The following DGLUCY variants were observed in gnomAD, a reference collection of about 807,000 sequenced individuals.
DGLUCY encodes D-glutamate cyclase.
In DGLUCY, 58 loss-of-function variants were observed where a neutral mutation model predicts 58.5. The ratio of observed to expected loss-of-function variants is 0.99; its 90% CI spans 0.80 to 1.23. The LOEUF (loss-of-function observed/expected upper bound fraction) is 1.23, where lower values mean the gene tolerates loss of function less well. Ranked by LOEUF, DGLUCY falls within the 50% of genes most tolerant of loss-of-function variation. The pLI, the probability that DGLUCY is intolerant of heterozygous loss-of-function variation, is 0.00. For synonymous variants in DGLUCY, 325 were observed against 314.1 expected, an observed-to-expected ratio of 1.03 and a Z score of -0.37; for missense variants, 779 against 784.7, an observed-to-expected ratio of 0.99 and a Z score of 0.09.
chr14:91,221,820 A>G (rs140672819), intron 13 of DGLUCY, among the ~76,000 whole-genome samples: 27 of 152,302 alleles, frequency 1.8e-4, no homozygotes, highest in Middle Eastern at 3.4e-3. Flanking sequence ...GAATTTTTAC[A>G]TAAGTATACA....
At chr14:91,126,420 G>A (rs1370890583) in intron 1 of DGLUCY, 1 of 205,196 alleles carries the variant, frequency 4.9e-6, no homozygotes, top group African/African-American at 2.4e-5. Flanking sequence ...ATAATTACAT[G>A]TGTTGGGGTG....
intron 1 of DGLUCY, among the ~76,000 whole-genome samples, chr14:91,122,888 T>C (rs1367794952): frequency 6.6e-6 from 1 of 152,202 alleles, no homozygotes; most frequent in Non-Finnish European, 1.5e-5. Context: ...ATTACAGGCG[T>C]GAGCCACGGT....
intron 1 of DGLUCY, among the ~76,000 whole-genome samples, chr14:91,083,556 G>A (rs571257679): frequency 1.3e-5 from 2 of 150,510 alleles, no homozygotes; most frequent in African/African-American, 2.4e-5. Context: ...AGAACGATCC[G>A]TAAAAGAGCG....
chr14:91,151,201 T>A (rs2047318506), intron 1 of DGLUCY, among the ~76,000 whole-genome samples: 1 of 152,266 alleles, frequency 6.6e-6, no homozygotes, highest in Admixed American at 6.5e-5. Flanking sequence ...CACATTTTGT[T>A]TATCCATAAT....
chr14:91,112,514 C>A (rs538314711), upstream of DGLUCY, among the ~76,000 whole-genome samples: 28 of 152,146 alleles, frequency 1.8e-4, no homozygotes, highest in South Asian at 5.8e-3. Context: ...GAGATGGCAC[C>A]CTGGGTGGGT....
At chr14:91,165,311 A>G (rs2048217122) in intron 3 of DGLUCY, 3 of 455,250 alleles carry the variant, frequency 6.6e-6, no homozygotes, top group South Asian at 1.6e-5. Context: ...TAACTTACAT[A>G]CATTACCTCC....
intron 13 of DGLUCY, among the ~76,000 whole-genome samples, chr14:91,217,633 T>C (rs140702241): frequency 0.017 from 2,555 of 150,788 alleles, 78 homozygotes; most frequent in African/African-American, 0.059. Flanking sequence ...TACAGGTGCC[T>C]GCCACCATGC....
At chr14:91,138,279 G>A (rs1246265287) in intron 1 of DGLUCY, among the ~76,000 whole-genome samples, 5 of 152,240 alleles carry the variant, frequency 3.3e-5, no homozygotes, top group Non-Finnish European at 7.4e-5. Context: ...ATCACCTGAG[G>A]TCGGGAGTTC....
intron 9 of DGLUCY, 96 bp downstream of exon 9, chr14:91,189,266 C>A: frequency 8.7e-6 from 13 of 1,490,464 alleles, no homozygotes; most frequent in Non-Finnish European, 1.2e-5. Flanking sequence ...CATTCTCCTT[C>A]CAGCTCAGAA....
chr14:91,201,292 C>A (rs1275089933), intron 11 of DGLUCY, among the ~76,000 whole-genome samples: 2 of 136,820 alleles, frequency 1.5e-5, no homozygotes, highest in Middle Eastern at 3.5e-3. Flanking sequence ...GGCTCAGAGG[C>A]CTGACAGGTA....
In DGLUCY at chr14:91,189,032, C is replaced by G. The variant is rs2049701036; in HGVS notation, c.1057C>G (p.Pro353Ala). 6.2e-7 allele frequency: 1 copy of G among 1,614,180 alleles called. No homozygotes were observed. Among genetic ancestry groups the G allele is most frequent in the Non-Finnish European group, 8.5e-7 (1 of 1,180,036 alleles). Reference protein sequence around the residue: ...GFPTHFNHEPPEETDGPPGAV... With the variant: ...GFPTHFNHEPAEETDGPPGAV... ...CCCCACACATTTCAATCATGAGCCTCCAGAAGAGACAGATGGCCCACCAGG... is the reference window on the plus strand; with the variant it reads ...CCCCACACATTTCAATCATGAGCCTGCAGAAGAGACAGATGGCCCACCAGG... Residue 353 changes from proline (P) to alanine (A), a missense_variant, in exon 9 of 14, where the codon CCA becomes GCA. Physicochemically the swap from Pro to Ala is conservative, Grantham distance 27. Transcript: ENST00000256324.
intron 13 of DGLUCY, among the ~76,000 whole-genome samples, chr14:91,218,876 T>C (rs1887009349): frequency 6.6e-6 from 1 of 151,864 alleles, no homozygotes; most frequent in Admixed American, 6.6e-5. Flanking sequence ...AGATGGAATG[T>C]GCACAGTAAG....
At chr14:91,185,800 C>A (rs888856630) in intron 8 of DGLUCY, among the ~76,000 whole-genome samples, 1 of 151,972 alleles carries the variant, frequency 6.6e-6, no homozygotes, top group African/African-American at 2.4e-5. Flanking sequence ...ACAAACACCA[C>A]CCATCAATGC....
chr14:91,196,566 C>T (rs944718512), intron 10 of DGLUCY, 92 bp downstream of exon 10: 135 of 1,051,976 alleles, frequency 1.3e-4, no homozygotes, highest in Non-Finnish European at 1.9e-4. Context: ...CACCCAAGCC[C>T]TTCAGAGGGA....
At chr14:91,080,955 G>A (rs568649994) in intron 1 of DGLUCY, among the ~76,000 whole-genome samples, 4 of 152,182 alleles carry the variant, frequency 2.6e-5, no homozygotes, top group Non-Finnish European at 5.9e-5. Flanking sequence ...TGTAATCCCA[G>A]CACTTTGGGA....
intron 10 of DGLUCY, 70 bp downstream of exon 10, chr14:91,196,544 A>T: frequency 7.7e-7 from 1 of 1,299,442 alleles, no homozygotes; most frequent in Non-Finnish European, 1.1e-6. Flanking sequence ...CTTAGCCAAC[A>T]AAGTGTCTGC....
intron 1 of DGLUCY, among the ~76,000 whole-genome samples, chr14:91,133,121 CCT>C (rs2046123447): frequency 6.6e-6 from 1 of 151,852 alleles, no homozygotes; most frequent in East Asian, 2.0e-4. Flanking sequence ...TGGTGAAACC[CCT>C]GTCTCTACTA....
At chr14:91,223,688 G>T in intron 13 of DGLUCY, 1 of 1,288,286 alleles carries the variant, frequency 7.8e-7, no homozygotes, top group South Asian at 1.2e-5. Flanking sequence ...GGAGAGCAAA[G>T]GGAGAAAGCT....
At chr14:91,170,630 A>G (rs1265832245) in intron 5 of DGLUCY, among the ~76,000 whole-genome samples, 2 of 152,206 alleles carry the variant, frequency 1.3e-5, no homozygotes, top group Non-Finnish European at 2.9e-5. Context: ...GTCTCTGTCC[A>G]GAAAGCTGGG....
Sources: gnomAD v4.1 joint callset for allele counts (sites outside exome capture counted in the v4.1 genomes callset) on GRCh38, gnomAD v4.1.1 for gene constraint, MANE v1.5 for transcripts, NCBI Gene and HGNC (gene_info 2026-07-23, HGNC 2026-07-21) for gene names.